The following MAP4K2 variants were observed in gnomAD, a reference collection of about 807,000 sequenced individuals.
MAP4K2 encodes the protein mitogen-activated protein kinase kinase kinase kinase 2.
In MAP4K2, 85 loss-of-function variants were observed where a neutral mutation model predicts 125.3. That is an observed-to-expected ratio of 0.68 (90% confidence interval 0.57 to 0.81). MAP4K2 has a LOEUF of 0.81. Ranked by LOEUF, MAP4K2 falls within the 40% of genes least tolerant of loss-of-function variation. The pLI is 0.00. For synonymous variants in MAP4K2, 479 were observed against 445.1 expected (o/e 1.08, Z -0.96); for missense variants, 923 against 1,056.4 (o/e 0.87, Z 1.75).
chr11:64,792,331 G>GCCC, intron 25 of MAP4K2, 33 bp downstream of exon 25: 133 of 1,535,124 alleles, frequency 8.7e-5, no homozygotes, highest in Middle Eastern at 1.7e-4. Context: ...CCCCCACCAG[G>GCCC]CCCCGCCCCA....
At chr11:64,800,643 G>T in intron 10 of MAP4K2, 121 bp downstream of exon 10, 1 of 1,369,344 alleles carries the variant, frequency 7.3e-7, no homozygotes, top group Non-Finnish European at 1.0e-6. Flanking sequence ...GACTCAGATG[G>T]TCTGTAGTAG....
chr11:64,802,837 G>T, intron 2 of MAP4K2, 48 bp downstream of exon 2: 1 of 1,571,474 alleles, frequency 6.4e-7, no homozygotes. Context: ...CCGCGCCCGC[G>T]GGCGCTCTGC....
intron 24 of MAP4K2, among the ~76,000 whole-genome samples, chr11:64,793,643 G>T (rs1393864667): frequency 1.3e-5 from 2 of 152,146 alleles, no homozygotes; most frequent in East Asian, 1.9e-4. Flanking sequence ...GCCAATGTCT[G>T]TCTCTCACTG....
chr11:64,793,112 A>T (rs915986766), intron 24 of MAP4K2, among the ~76,000 whole-genome samples: 23 of 152,134 alleles, frequency 1.5e-4, no homozygotes, highest in Non-Finnish European at 2.9e-5. Context: ...GCTACTTGGG[A>T]GGCTGAGGCA....
In MAP4K2 at chr11:64,801,671, C is replaced by G. The variant is rs192288643; in HGVS notation, c.414+39G>C. 28 of 1,613,868 alleles carry G rather than the reference C, an allele frequency of 1.7e-5. No homozygotes were observed. In the East Asian group the frequency reaches 6.0e-4, roughly 35 times the overall value. On this transcript the variant is annotated intron_variant, in intron 6 of 31. Coordinates refer to ENST00000294066, the MANE Select transcript of MAP4K2 (RefSeq NM_004579.5). ...CCCATCTGGTGCCCCCGAGGGCCTCCTCCTCCCTCCCCAGGAGTGCCCCCA... is the reference window on the plus strand; with the variant it reads ...CCCATCTGGTGCCCCCGAGGGCCTCGTCCTCCCTCCCCAGGAGTGCCCCCA...
In MAP4K2 at chr11:64,787,024, T is replaced by C. The variant is rs1940219798; in HGVS notation, c.*2513A>G. On this transcript the variant is annotated 3_prime_UTR_variant, in exon 32 of 32. Coordinates refer to ENST00000294066, the MANE Select transcript of MAP4K2 (RefSeq NM_004579.5). ...TCATATTCTCCAGGATATATATATA[T>C]TTTTTTCTCTTTTTTTTTTTTTTGA... 9.7e-6 allele frequency: 1 copy of C among 103,526 alleles called. No homozygotes were observed. The highest frequency in any genetic ancestry group is 1.9e-5 in the Non-Finnish European group (1 of 53,568). 6.4% of individuals were successfully genotyped at this position (103,526 alleles called of 1,614,324 possible). A position where few individuals can be genotyped will look rare whatever the true frequency, so the allele number is the denominator to read the frequency against.
chr11:64,799,387 G>A (rs776458963), intron 14 of MAP4K2, 34 bp downstream of exon 14: 1 of 1,609,748 alleles, frequency 6.2e-7, no homozygotes, highest in Non-Finnish European at 8.5e-7. Context: ...CCCACCTCTG[G>A]GCACCACCTT....
chr11:64,796,589 A>C, intron 22 of MAP4K2, 36 bp from the exon 23 acceptor site: 1 of 1,613,872 alleles, frequency 6.2e-7, no homozygotes, highest in Non-Finnish European at 8.5e-7. Flanking sequence ...TCAGCACCCC[A>C]GGCCCCCACA....
At chr11:64,797,413 T>C (rs1481966277) in intron 17 of MAP4K2, 33 bp from the exon 18 acceptor site, 3 of 1,560,178 alleles carry the variant, frequency 1.9e-6, no homozygotes, top group East Asian at 4.8e-5. Context: ...GCCCGGCCGT[T>C]ACCAGGTTGC....
chr11:64,791,902 T>C lies in MAP4K2; in HGVS notation c.2092+7A>G. 1 of 1,567,908 alleles carries C rather than the reference T, an allele frequency of 6.4e-7. No individual in the cohort carries two copies. ...CCCACCCCCAGCAGCCTGGCCCTTCTGCTCACCAGGTGGGATGAGGATGTC... is the reference window on the plus strand; with the variant it reads ...CCCACCCCCAGCAGCCTGGCCCTTCCGCTCACCAGGTGGGATGAGGATGTC... On this transcript the variant is annotated splice_region_variant and intron_variant, in intron 27 of 31. Coordinates refer to ENST00000294066, the MANE Select transcript of MAP4K2 (RefSeq NM_004579.5).
intron 27 of MAP4K2, 122 bp from the exon 28 acceptor site, chr11:64,790,584 C>CCACAGGGCTGT: frequency 1.2e-6 from 1 of 858,066 alleles, no homozygotes; most frequent in Non-Finnish European, 1.9e-6. Context: ...CACAACAGCC[C>CCACAGGGCTGT]TGTGGGGCTG....
At position 64,792,247 on chromosome 11, in the gene MAP4K2, G is replaced by A; in HGVS notation, c.1839C>T (p.Phe613=). 6.2e-7 allele frequency: 1 copy of A among 1,611,618 alleles called. No homozygotes were observed. Among genetic ancestry groups the A allele is most frequent in the Admixed American group, 1.7e-5 (1 of 59,918 alleles). The change falls in exon 26 of 32, where the codon TTC becomes TTT. Residue 613 remains phenylalanine, a synonymous_variant. Coordinates refer to ENST00000294066, the MANE Select transcript of MAP4K2 (RefSeq NM_004579.5). The stretch of plus-strand genomic sequence containing the variant: ...GGCTGGTGGGCAGGGCGGCCAGCAG[G>A]AAGGTGGCACCCGTGTAGGGGTTCC... ...VVRNPYTGAT[F]LLAALPTSLL...
chr11:64,796,613 C>T (rs975346999), intron 22 of MAP4K2, 21 bp downstream of exon 22: 1 of 1,614,058 alleles, frequency 6.2e-7, no homozygotes. Flanking sequence ...CCTCTGCCCC[C>T]CACAGCCAGC....
chr11:64,796,302 G>A lies in MAP4K2; in HGVS notation c.1722C>T (p.Thr574=). 1.3e-6 allele frequency: 2 copies of A among 1,539,754 alleles called. No homozygotes were observed. Among genetic ancestry groups the A allele is most frequent in the South Asian group, 2.6e-5 (2 of 78,274 alleles). The change falls in exon 24 of 32, where the codon ACC becomes ACT. Residue 574 remains threonine, a synonymous_variant. Transcript: ENST00000294066. ...GGATGATGCGCTGGGTGAGGCGGTT[G>A]GTGGGGATGGAGAGGGGAACCTGTT... ...LQQQVPLSIP[T]NRLTQRIIPR... is the part of the protein sequence containing the mutation.
chr11:64,790,224 G>C lies in MAP4K2; in HGVS notation c.2212C>G (p.Pro738Ala). The C allele has an allele frequency of 6.2e-7, 1 of 1,614,202 alleles. No individual in the cohort carries two copies. Among genetic ancestry groups the C allele is most frequent in the Non-Finnish European group, 8.5e-7 (1 of 1,180,028 alleles). Residue 738 changes from proline to alanine, a missense_variant, in exon 29 of 32, where the codon CCT becomes GCT. By Grantham distance (27) the Pro-to-Ala change is conservative (BLOSUM62 -1). This residue lies in a region of MAP4K2 where 90 missense variants were observed against 144.9 expected (regional missense o/e 0.62). Coordinates refer to ENST00000294066, the MANE Select transcript of MAP4K2 (RefSeq NM_004579.5). Reference protein sequence around the residue: ...MQGEPTATLAPELTFDFPIET... With the variant: ...MQGEPTATLAAELTFDFPIET... Reference sequence around the variant, plus strand: ...ATGGGGAAATCAAAGGTCAGCTCAGGTGCCAGTGTGGCCGTGGGCTCGCCC... The same window carrying C: ...ATGGGGAAATCAAAGGTCAGCTCAGCTGCCAGTGTGGCCGTGGGCTCGCCC...
rs35107642 is a variant in MAP4K2 at position 64,802,100 on chromosome 11, C to G, written c.332G>C (p.Arg111Pro). Reference sequence around the variant, plus strand: ...CTCTCGGCAGACGTAGGCAATCTGCCGCTCCTCCAGGGGCCCAGTGGCTGA... The same window carrying G: ...CTCTCGGCAGACGTAGGCAATCTGCGGCTCCTCCAGGGGCCCAGTGGCTGA... ...IYHATGPLEE[R>P]QIAYVCREAL... Residue 111 changes from arginine to proline, a missense_variant, in exon 5 of 32, where the codon CGG (arginine) becomes CCG (proline). This residue lies in a region of MAP4K2 where 833 missense variants were observed against 911.4 expected (regional missense o/e 0.91). Coordinates refer to ENST00000294066, the MANE Select transcript of MAP4K2 (RefSeq NM_004579.5). 4.5e-3 allele frequency: 7,282 copies of G among 1,612,970 alleles called. 21 individuals carry two copies. Among genetic ancestry groups the G allele is most frequent in the Non-Finnish European group, 5.3e-3 (6,241 of 1,179,924 alleles).
rs184548263 is a variant in MAP4K2, at chr11:64,802,825, C to G, written c.154+60G>C. On this transcript the variant is annotated intron_variant, in intron 2 of 31. Coordinates refer to ENST00000294066, the MANE Select transcript of MAP4K2 (RefSeq NM_004579.5). Reference sequence around the variant, plus strand: ...CGGAAACGTCAACCCTCCGCCCGCACCCCGCGCCCGCGGGCGCTCTGCCCT... The same window carrying G: ...CGGAAACGTCAACCCTCCGCCCGCAGCCCGCGCCCGCGGGCGCTCTGCCCT... 285 of 1,550,738 alleles carry G rather than the reference C, an allele frequency of 1.8e-4. 1 individual carries two copies. In the African/African-American group the frequency reaches 3.7e-3, roughly 20 times the overall value.
chr11:64,802,983 G>C, intron 1 of MAP4K2, 41 bp from the exon 2 acceptor site: 1 of 1,555,892 alleles, frequency 6.4e-7, no homozygotes. Flanking sequence ...GGGCGGGGCC[G>C]GGGGCTAGAT....
chr11:64,801,240 G>T, intron 7 of MAP4K2, 57 bp from the exon 8 acceptor site: 1 of 1,576,572 alleles, frequency 6.3e-7, no homozygotes, highest in Non-Finnish European at 8.6e-7. Flanking sequence ...ACCCTCCCAC[G>T]CCCAGGGCTC....
Sources: gnomAD v4.1 joint callset for allele counts (sites outside exome capture counted in the v4.1 genomes callset) on GRCh38, gnomAD v4.1.1 for gene constraint, gnomAD v4.1.1 regional missense constraint, MANE v1.5 for transcripts, NCBI Gene and HGNC (gene_info 2026-07-23, HGNC 2026-07-21) for gene names.